MYO3B: variants seen among roughly 807,000 people sequenced by gnomAD.
MYO3B encodes myosin-IIIb.
In MYO3B, 156 loss-of-function variants were observed where a neutral mutation model predicts 174.6. That is an observed-to-expected ratio of 0.89 (90% confidence interval 0.78 to 1.02). The LOEUF (loss-of-function observed/expected upper bound fraction) is 1.02, where lower values mean the gene tolerates loss of function less well. Ranked by LOEUF, MYO3B falls within the 50% of genes least tolerant of loss-of-function variation. The pLI is 0.00. For synonymous variants in MYO3B, 563 were observed against 569.1 expected (o/e 0.99, Z 0.15); for missense variants, 1,632 against 1,639.4 (o/e 1.00, Z 0.08).
chr2:170,381,893 T>C lies in MYO3B; in HGVS notation c.972-123T>C, dbSNP rs879211127. ...CTGGGGACCTGGACTGGACTTCCTG[T>C]CCCTGTCTCTGAAGTCTCTGAACAT... On this transcript the variant is annotated intron_variant, in intron 9 of 34. Transcript: ENST00000408978. 21 of 740,924 alleles carry C rather than the reference T, an allele frequency of 2.8e-5. No individual in the cohort carries two copies. In the South Asian group the frequency reaches 3.9e-4, roughly 14 times the overall value. 45.9% of individuals were successfully genotyped at this position (740,924 alleles called of 1,614,324 possible). A position where few individuals can be genotyped will look rare whatever the true frequency, so the allele number is the denominator to read the frequency against.
intron 32 of MYO3B, among the ~76,000 whole-genome samples, chr2:170,583,948 C>T (rs796514695): frequency 6.6e-6 from 1 of 152,076 alleles, no homozygotes; most frequent in African/African-American, 2.4e-5. Flanking sequence ...TACAAAAGAC[C>T]TTTTTTGTTT....
intron 22 of MYO3B, among the ~76,000 whole-genome samples, chr2:170,438,068 G>A (rs1246195186): frequency 1.3e-5 from 2 of 152,056 alleles, no homozygotes; most frequent in Non-Finnish European, 2.9e-5. Context: ...AATACCCACT[G>A]AATAGCCACT....
At chr2:170,181,455 G>A (rs1414610386) in intron 1 of MYO3B, among the ~76,000 whole-genome samples, 1 of 151,576 alleles carries the variant, frequency 6.6e-6, no homozygotes, top group Non-Finnish European at 1.5e-5. Flanking sequence ...TATTATTCTG[G>A]CTTCACCACA....
intron 6 of MYO3B, among the ~76,000 whole-genome samples, chr2:170,230,298 T>C (rs2093000349): frequency 6.9e-6 from 1 of 144,498 alleles, no homozygotes; most frequent in African/African-American, 2.5e-5. Context: ...GCCTCCGGAG[T>C]AGCTGGGATC....
At chr2:170,461,064 C>T (rs1296661159) in intron 23 of MYO3B, among the ~76,000 whole-genome samples, 3 of 152,168 alleles carry the variant, frequency 2.0e-5, no homozygotes, top group Admixed American at 6.5e-5. Flanking sequence ...ATGAGCTTTT[C>T]AGCTGCCTGG....
intron 9 of MYO3B, among the ~76,000 whole-genome samples, chr2:170,376,135 TCTC>T (rs1026632170): frequency 3.9e-5 from 6 of 152,156 alleles, no homozygotes; most frequent in Admixed American, 3.3e-4. Context: ...CCCAAACAAT[TCTC>T]CTATTTTAAA....
intron 7 of MYO3B, among the ~76,000 whole-genome samples, chr2:170,325,488 G>A (rs1239825066): frequency 2.6e-5 from 4 of 152,192 alleles, no homozygotes; most frequent in African/African-American, 4.8e-5. Context: ...GATTACAGGC[G>A]TGAGCCACTA....
chr2:170,383,660 G>T (rs2094352255), intron 11 of MYO3B, 50 bp from the exon 12 acceptor site: 2 of 1,360,292 alleles, frequency 1.5e-6, no homozygotes, highest in Admixed American at 3.4e-5. Flanking sequence ...ATAGGTAGTG[G>T]AGTATTAGAT....
chr2:170,406,240 G>A (rs146400701), intron 21 of MYO3B, among the ~76,000 whole-genome samples: 1,803 of 152,262 alleles, frequency 0.012, 46 homozygotes, highest in African/African-American at 0.041. Context: ...TACTCCCAAA[G>A]GAGCCATTTG....
At chr2:170,193,054 A>G (rs1235844683) in intron 1 of MYO3B, among the ~76,000 whole-genome samples, 2 of 151,888 alleles carry the variant, frequency 1.3e-5, no homozygotes, top group African/African-American at 4.8e-5. Flanking sequence ...TTTTTATTGT[A>G]TCATATATTT....
chr2:170,393,868 A>G (rs2094429279), intron 16 of MYO3B, among the ~76,000 whole-genome samples: 2 of 152,120 alleles, frequency 1.3e-5, no homozygotes, highest in Admixed American at 6.6e-5. Context: ...GGCTTCTTAG[A>G]GGGGGGCAAT....
intron 6 of MYO3B, among the ~76,000 whole-genome samples, chr2:170,218,589 A>G (rs972521601): frequency 3.3e-5 from 5 of 152,212 alleles, no homozygotes; most frequent in African/African-American, 1.2e-4. Flanking sequence ...ACAACCACGT[A>G]CCATGCGGCT....
At chr2:170,415,913 T>A (rs2094575629) in intron 22 of MYO3B, among the ~76,000 whole-genome samples, 1 of 152,170 alleles carries the variant, frequency 6.6e-6, no homozygotes, top group Non-Finnish European at 1.5e-5. Flanking sequence ...TTCTTATGGG[T>A]TGAATTGTGT....
chr2:170,405,725 G>A (rs2094505374), intron 21 of MYO3B, 92 bp downstream of exon 21: 2 of 992,826 alleles, frequency 2.0e-6, no homozygotes, highest in Non-Finnish European at 3.0e-6. Context: ...ATTGCTTACA[G>A]ATTTCTTTCC....
At position 170,369,276 on chromosome 2, in the gene MYO3B, C is replaced by T. The variant is rs761410870; in HGVS notation, c.870C>T (p.His290=). The T allele has an allele frequency of 1.1e-5, 18 of 1,613,484 alleles. No individual in the cohort carries two copies. The highest frequency in any genetic ancestry group is 8.9e-5 in the East Asian group (4 of 44,884). ...CTTCCGTCACACATCTCCTTGACCA[C>T]CCATTTATTAAAGGAGTACATGGAA... The part of the protein sequence containing the change: ...RRPSVTHLLD[H]PFIKGVHGKV... The change falls in exon 9 of 35, where the codon CAC becomes CAT. Residue 290 remains histidine (H), a synonymous_variant. Transcript: ENST00000408978.
chr2:170,545,178 A>T (rs1690398826), intron 32 of MYO3B, among the ~76,000 whole-genome samples: 2 of 152,236 alleles, frequency 1.3e-5, no homozygotes, highest in Non-Finnish European at 2.9e-5. Flanking sequence ...CCTAAAAACA[A>T]AACTTTGAAG....
At chr2:170,531,395 C>A (rs1689344927) in intron 30 of MYO3B, among the ~76,000 whole-genome samples, 1 of 152,172 alleles carries the variant, frequency 6.6e-6, no homozygotes, top group Admixed American at 6.5e-5. Context: ...CTAGAGTCCA[C>A]TAGACCTGCT....
In MYO3B at chr2:170,637,823, A is replaced by T. The variant is rs761528127; in HGVS notation, c.3734-13805A>T. On this transcript the variant is annotated intron_variant, in intron 32 of 34. Transcript: ENST00000408978. ...ATTGATTTTATAATGTAATGTACTT[A>T]AGAAATTTGTTCCAAAATTCGGCAC... Among the ~76,000 whole-genome samples, 10 of 152,294 alleles carry T rather than the reference A, an allele frequency of 6.6e-5. No homozygotes were observed. In the South Asian group the frequency reaches 2.1e-3, roughly 32 times the overall value.
At chr2:170,590,608 T>G (rs1206217754) in intron 32 of MYO3B, among the ~76,000 whole-genome samples, 3 of 151,902 alleles carry the variant, frequency 2.0e-5, no homozygotes, top group Non-Finnish European at 4.4e-5. Flanking sequence ...TTTTTTTTTT[T>G]TTGCCTCAAA....
Sources: allele counts gnomAD v4.1 joint callset (sites outside exome capture counted in the v4.1 genomes callset), GRCh38; gene constraint gnomAD v4.1.1; transcripts MANE v1.5; gene names NCBI Gene and HGNC (gene_info 2026-07-23, HGNC 2026-07-21).